The following FRRS1 variants were observed in gnomAD, a reference collection of about 807,000 sequenced individuals.
FRRS1 encodes ferric chelate reductase 1.
In FRRS1, 51 loss-of-function variants were observed where a neutral mutation model predicts 70.7. The observed-to-expected ratio is 0.72, with a 90% CI of 0.58 to 0.91. The LOEUF is 0.91. Among genes scored for constraint, FRRS1 ranks in the 40% least tolerant of loss-of-function variants. FRRS1 has a pLI of 0.00. For missense variants in FRRS1, 672 were observed against 726.0 expected, an observed-to-expected ratio of 0.93 and a Z score of 0.86; for synonymous variants, 225 against 238.7, an observed-to-expected ratio of 0.94 and a Z score of 0.53.
At chr1:99,749,333 G>A (rs1043682490) in intron 1 of FRRS1, among the ~76,000 whole-genome samples, 1 of 152,062 alleles carries the variant, frequency 6.6e-6, no homozygotes, top group African/African-American at 2.4e-5. Context: ...GCCCAATGTT[G>A]TTTAAATAAA....
intron 8 of FRRS1, 121 bp from the exon 9 acceptor site, chr1:99,728,761 T>G: frequency 1.5e-6 from 1 of 659,872 alleles, no homozygotes; most frequent in Non-Finnish European, 2.4e-6. Flanking sequence ...ATGCTTTGTC[T>G]GCAGTGTCAT....
chr1:99,754,432 T>C (rs1027399160), intron 1 of FRRS1, among the ~76,000 whole-genome samples: 2 of 151,652 alleles, frequency 1.3e-5, no homozygotes, highest in East Asian at 3.9e-4. Flanking sequence ...TTAGCTATGG[T>C]CACACCACAC....
At chr1:99,730,792 G>A (rs1023943347) in intron 7 of FRRS1, among the ~76,000 whole-genome samples, 12 of 151,692 alleles carry the variant, frequency 7.9e-5, no homozygotes, top group African/African-American at 2.4e-4. Flanking sequence ...GCGTGAACCC[G>A]GGAGGTGGAG....
rs979135831 is a variant in FRRS1 at position 99,740,672 on chromosome 1, T to C, written c.576+121A>G. 23 of 700,424 alleles carry C rather than the reference T, an allele frequency of 3.3e-5. No homozygotes were observed. The South Asian group carries it at 3.5e-4, about 11-fold the overall frequency. The allele number at this position is 700,424 out of a possible 1,614,324, so 43.4% of individuals were successfully genotyped here. A position where few individuals can be genotyped will look rare whatever the true frequency, so the allele number is the denominator to read the frequency against. Reference sequence around the variant, plus strand: ...AAAGCTGGGCACAGTGGCTCACACCTGTAATTCCAAGCACTTTGTGACTCC... The same window carrying C: ...AAAGCTGGGCACAGTGGCTCACACCCGTAATTCCAAGCACTTTGTGACTCC... On this transcript the variant is annotated intron_variant, in intron 6 of 16. Coordinates refer to ENST00000646001, the MANE Select transcript of FRRS1 (RefSeq NM_001361041.2).
chr1:99,725,180 C>G (rs778146959), intron 9 of FRRS1, among the ~76,000 whole-genome samples: 1 of 152,194 alleles, frequency 6.6e-6, no homozygotes, highest in African/African-American at 2.4e-5. Flanking sequence ...CACCGCTGAT[C>G]TGACAGGACA....
At chr1:99,722,109 C>T (rs546723170) in intron 9 of FRRS1, among the ~76,000 whole-genome samples, 105 of 151,732 alleles carry the variant, frequency 6.9e-4, no homozygotes, top group African/African-American at 2.4e-3. Flanking sequence ...TCCCAGGCTC[C>T]AGAGATCCTC....
intron 12 of FRRS1, among the ~76,000 whole-genome samples, chr1:99,713,644 G>A (rs1199097223): frequency 1.3e-5 from 2 of 152,164 alleles, no homozygotes; most frequent in Non-Finnish European, 2.9e-5. Context: ...CACAGGCTCT[G>A]AACTTAACAT....
At chr1:99,764,027 G>A (rs951096848) in intron 1 of FRRS1, among the ~76,000 whole-genome samples, 4 of 152,070 alleles carry the variant, frequency 2.6e-5, no homozygotes, top group South Asian at 2.1e-4. Context: ...CTTGCTAAAC[G>A]TTAACAAAAT....
intron 7 of FRRS1, among the ~76,000 whole-genome samples, chr1:99,735,924 G>A (rs2100954061): frequency 6.6e-6 from 1 of 152,284 alleles, no homozygotes; most frequent in East Asian, 1.9e-4. Flanking sequence ...TGGCTATAAA[G>A]TGACTGGAAT....
At chr1:99,739,998 G>A (rs1190023732) in intron 6 of FRRS1, among the ~76,000 whole-genome samples, 2 of 151,972 alleles carry the variant, frequency 1.3e-5, no homozygotes, top group Non-Finnish European at 2.9e-5. Flanking sequence ...GATACGTCTT[G>A]TCAATCATAA....
At chr1:99,721,179 G>A (rs1417311306) in intron 9 of FRRS1, among the ~76,000 whole-genome samples, 2 of 152,030 alleles carry the variant, frequency 1.3e-5, no homozygotes, top group East Asian at 3.9e-4. Flanking sequence ...AAGAGTTCGA[G>A]ACCAGCCTGG....
chr1:99,741,008 AG>A, intron 5 of FRRS1, 68 bp from the exon 6 acceptor site: 1 of 1,384,464 alleles, frequency 7.2e-7, no homozygotes. Context: ...AAAACGTTAA[AG>A]GAAAAAAAAA....
intron 9 of FRRS1, among the ~76,000 whole-genome samples, chr1:99,725,978 T>G (rs1051874100): frequency 6.6e-6 from 1 of 152,220 alleles, no homozygotes; most frequent in East Asian, 1.9e-4. Context: ...TTATGAAGTA[T>G]CTATAACATG....
At chr1:99,764,629 A>C (rs955128457) in intron 1 of FRRS1, among the ~76,000 whole-genome samples, 41 of 152,206 alleles carry the variant, frequency 2.7e-4, no homozygotes, top group African/African-American at 9.9e-4. Flanking sequence ...TGGACTTTGA[A>C]ATATCACAGA....
At chr1:99,744,064 T>TAAAAAAAAAAAA (rs112254806) in intron 4 of FRRS1, among the ~76,000 whole-genome samples, 1 of 124,356 alleles carries the variant, frequency 8.0e-6, no homozygotes, top group African/African-American at 3.7e-5. Flanking sequence ...AGAACGATTG[T>TAAAAAAAAAAAA]AAAAAAAAAA....
At position 99,705,011 on chromosome 1, in the gene FRRS1, C is replaced by A. The variant is rs1447767851; in HGVS notation, c.*4017G>T. On this transcript the variant is annotated 3_prime_UTR_variant, in exon 17 of 17. Coordinates refer to ENST00000646001, the MANE Select transcript of FRRS1 (RefSeq NM_001361041.2). ...CAAGAACCCAGGGATACAGAAAGCC[C>A]TCTGTCCTTGCAATAAGGCAGGGGT... Among the ~76,000 whole-genome samples, 1 of 152,208 alleles carries A rather than the reference C, an allele frequency of 6.6e-6. No homozygotes were observed. Among genetic ancestry groups the A allele is most frequent in the East Asian group, 1.9e-4 (1 of 5,198 alleles).
chr1:99,714,301 A>C (rs1654414197), intron 12 of FRRS1, among the ~76,000 whole-genome samples: 1 of 151,342 alleles, frequency 6.6e-6, no homozygotes, highest in African/African-American at 2.4e-5. Context: ...CTCCTTCCTC[A>C]GCCTCCTGAG....
chr1:99,760,751 G>C (rs573776584), intron 1 of FRRS1, among the ~76,000 whole-genome samples: 23 of 152,260 alleles, frequency 1.5e-4, no homozygotes, highest in Admixed American at 1.0e-3. Flanking sequence ...CTGGGTTCAA[G>C]CGATTCTCCT....
chr1:99,757,361 T>G (rs964281003), intron 1 of FRRS1, among the ~76,000 whole-genome samples: 1 of 152,170 alleles, frequency 6.6e-6, no homozygotes, highest in Non-Finnish European at 1.5e-5. Flanking sequence ...TGAATCAAAT[T>G]CTAAATTAAG....
Sources: gnomAD v4.1 joint callset for allele counts (sites outside exome capture counted in the v4.1 genomes callset) on GRCh38, gnomAD v4.1.1 for gene constraint, MANE v1.5 for transcripts, NCBI Gene and HGNC (gene_info 2026-07-23, HGNC 2026-07-21) for gene names.